ANKS1B: variants seen among roughly 807,000 people sequenced by gnomAD.
The protein encoded by ANKS1B is ankyrin repeat and sterile alpha motif domain containing 1B, also known as ankyrin repeat and sterile alpha motif domain-containing protein 1B.
ANKS1B carries 36 observed loss-of-function variants against 148.3 expected under a neutral mutation model. That is an observed-to-expected ratio of 0.24 (90% CI 0.19 to 0.32). ANKS1B has a LOEUF of 0.32. Among genes scored for constraint, ANKS1B ranks in the 10% least tolerant of loss-of-function variants. The pLI, the probability that ANKS1B is intolerant of heterozygous loss-of-function variation, is 1.00. For synonymous variants in ANKS1B, 542 were observed against 560.8 expected, an observed-to-expected ratio of 0.97 and a Z score of 0.47; for missense variants, 1,157 against 1,542.6, an observed-to-expected ratio of 0.75 and a Z score of 4.19.
At chr12:99,964,798 T>A (rs1394568570) in intron 1 of ANKS1B, among the ~76,000 whole-genome samples, 1 of 151,776 alleles carries the variant, frequency 6.6e-6, no homozygotes, top group East Asian at 1.9e-4. Context: ...GAGTCAGATA[T>A]GAAAAGGGTG....
intron 1 of ANKS1B, among the ~76,000 whole-genome samples, chr12:99,921,510 CA>C (rs1284622215): frequency 6.6e-6 from 1 of 152,108 alleles, no homozygotes; most frequent in African/African-American, 2.4e-5. Context: ...GTATCTTCTT[CA>C]AGTGTTTCAC....
chr12:98,972,421 A>G (rs2099883975), intron 17 of ANKS1B, among the ~76,000 whole-genome samples: 1 of 152,180 alleles, frequency 6.6e-6, no homozygotes. Context: ...TGTCAGGCCT[A>G]TACATTATCT....
rs143841852 is a variant in ANKS1B at position 99,132,028 on chromosome 12, T to C, written c.2526+22261A>G. On this transcript the variant is annotated intron_variant, in intron 15 of 26. Transcript: ENST00000683438. ...TCCCCTCCCCCAGCTGCCTACCAACTCCTTCCCACCCCCAGGCCAGCAGTG... is the reference window on the plus strand; with the variant it reads ...TCCCCTCCCCCAGCTGCCTACCAACCCCTTCCCACCCCCAGGCCAGCAGTG... Among the ~76,000 whole-genome samples the C allele has an allele frequency of 3.1e-4, 47 of 152,012 alleles. No individual in the cohort carries two copies. In the East Asian group the frequency reaches 8.7e-3, roughly 28 times the overall value.
At chr12:98,912,198 C>T (rs1177213576) in intron 17 of ANKS1B, among the ~76,000 whole-genome samples, 1 of 152,174 alleles carries the variant, frequency 6.6e-6, no homozygotes, top group Non-Finnish European at 1.5e-5. Flanking sequence ...AAGAAATTTA[C>T]TCAGGGTCAC....
chr12:99,377,999 C>T (rs2093461967), intron 12 of ANKS1B, among the ~76,000 whole-genome samples: 1 of 152,122 alleles, frequency 6.6e-6, no homozygotes, highest in African/African-American at 2.4e-5. Flanking sequence ...TTCCAGATGG[C>T]AAACAATTCT....
intron 12 of ANKS1B, among the ~76,000 whole-genome samples, chr12:99,359,408 A>G (rs115824446): frequency 0.017 from 2,593 of 152,222 alleles, 79 homozygotes; most frequent in African/African-American, 0.059. Flanking sequence ...ATGTGGCTTG[A>G]ATAAAACCAT....
intron 12 of ANKS1B, among the ~76,000 whole-genome samples, chr12:99,376,602 G>A (rs1169547225): frequency 6.6e-6 from 1 of 152,216 alleles, no homozygotes; most frequent in East Asian, 1.9e-4. Context: ...TCAGATTACA[G>A]TGAATAATCT....
chr12:99,705,297 A>T (rs574453039), intron 8 of ANKS1B, among the ~76,000 whole-genome samples: 1 of 152,238 alleles, frequency 6.6e-6, no homozygotes, highest in East Asian at 1.9e-4. Context: ...ATGGTAAGAT[A>T]ATGAAAATAG....
intron 2 of ANKS1B, among the ~76,000 whole-genome samples, chr12:99,816,090 C>T (rs1252290997): frequency 6.6e-6 from 1 of 151,858 alleles, no homozygotes; most frequent in Non-Finnish European, 1.5e-5. Flanking sequence ...TGCTAAGTTA[C>T]AGTCCCACCA....
At chr12:98,908,388 C>T (rs1209442015) in intron 17 of ANKS1B, among the ~76,000 whole-genome samples, 1 of 152,182 alleles carries the variant, frequency 6.6e-6, no homozygotes, top group Admixed American at 6.5e-5. Context: ...CTGTGACTTG[C>T]ACTTGGGCAA....
intron 8 of ANKS1B, among the ~76,000 whole-genome samples, chr12:99,671,877 TATTA>T (rs958853714): frequency 9.2e-5 from 14 of 152,144 alleles, no homozygotes; most frequent in African/African-American, 3.1e-4. Flanking sequence ...TTGAAAAATT[TATTA>T]ATTAACGCTA....
intron 17 of ANKS1B, among the ~76,000 whole-genome samples, chr12:99,050,764 TC>T (rs2099965475): frequency 6.9e-6 from 1 of 145,484 alleles, no homozygotes; most frequent in Non-Finnish European, 1.5e-5. Context: ...CGATCTCTGC[TC>T]ACTGCAAGCT....
chr12:99,061,442 G>C (rs1384460409), intron 16 of ANKS1B, among the ~76,000 whole-genome samples: 1 of 152,204 alleles, frequency 6.6e-6, no homozygotes, highest in South Asian at 2.1e-4. Flanking sequence ...TATTTGGAGG[G>C]AGGATTGGAG....
intron 17 of ANKS1B, among the ~76,000 whole-genome samples, chr12:98,965,179 A>T (rs1042875341): frequency 6.6e-6 from 1 of 152,204 alleles, no homozygotes; most frequent in Admixed American, 6.5e-5. Context: ...CAAATAGCAG[A>T]CATTGTTCCA....
chr12:99,825,787 G>A (rs1226235189), intron 1 of ANKS1B, among the ~76,000 whole-genome samples: 1 of 152,156 alleles, frequency 6.6e-6, no homozygotes, highest in African/African-American at 2.4e-5. Flanking sequence ...TCCTTCTGAG[G>A]TGCCGGTGAT....
chr12:99,085,772 CAAACACCACA>C (rs910871067), intron 15 of ANKS1B, among the ~76,000 whole-genome samples: 1 of 152,086 alleles, frequency 6.6e-6, no homozygotes, highest in Admixed American at 6.6e-5. Context: ...AACAGAAAAC[CAAACACCACA>C]TGTTCTCGCT....
intron 1 of ANKS1B, among the ~76,000 whole-genome samples, chr12:99,926,984 G>T (rs1286637220): frequency 6.6e-6 from 1 of 152,102 alleles, no homozygotes; most frequent in Non-Finnish European, 1.5e-5. Flanking sequence ...CAGTTGTTTG[G>T]CTGGATATCC....
chr12:99,648,905 C>A lies in ANKS1B; in HGVS notation c.1272+6162G>T. On this transcript the variant is annotated intron_variant, in intron 9 of 26. Transcript: ENST00000683438. Reference sequence around the variant, plus strand: ...GGGAAATGCATTGCATTTGGAAGGTCTGAAGGCCAAATGAGCTTCCATTTG... The same window carrying A: ...GGGAAATGCATTGCATTTGGAAGGTATGAAGGCCAAATGAGCTTCCATTTG... 4 of 1,384,096 alleles carry A rather than the reference C, an allele frequency of 2.9e-6. No homozygotes were observed. In the South Asian group the frequency reaches 6.2e-5, roughly 21 times the overall value. 85.7% of individuals were successfully genotyped at this position (1,384,096 alleles called of 1,614,324 possible).
At chr12:98,796,240 G>A (rs1319274510) in intron 22 of ANKS1B, among the ~76,000 whole-genome samples, 2 of 152,200 alleles carry the variant, frequency 1.3e-5, no homozygotes, top group Admixed American at 1.3e-4. Flanking sequence ...ATTACTGGGA[G>A]AGACATTTTC....
Sources: gnomAD v4.1 joint callset for allele counts (sites outside exome capture counted in the v4.1 genomes callset) on GRCh38, gnomAD v4.1.1 for gene constraint, MANE v1.5 for transcripts, NCBI Gene and HGNC (gene_info 2026-07-23, HGNC 2026-07-21) for gene names.